PDE4D: variants seen among roughly 807,000 people sequenced by gnomAD.
The protein encoded by PDE4D is phosphodiesterase 4D, also known as 3',5'-cyclic-AMP phosphodiesterase 4D.
In PDE4D, 24 loss-of-function variants were observed where a neutral mutation model predicts 87.4. The observed-to-expected ratio is 0.27, with a 90% CI of 0.20 to 0.39. The LOEUF is 0.39. PDE4D is among the 10% of genes least tolerant of loss of function. The pLI is 1.00. For missense variants in PDE4D, 714 were observed against 1,041.0 expected, an observed-to-expected ratio of 0.69 and a Z score of 4.32; for synonymous variants, 384 against 383.2, an observed-to-expected ratio of 1.00 and a Z score of -0.02.
At chr5:59,197,518 T>G (rs1305931050) in intron 2 of PDE4D, among the ~76,000 whole-genome samples, 2 of 152,202 alleles carry the variant, frequency 1.3e-5, no homozygotes, top group Non-Finnish European at 2.9e-5. Context: ...AAATTATCTT[T>G]GAATATATAC....
At chr5:60,516,646 A>G (rs951907988) in intron 1 of PDE4D, among the ~76,000 whole-genome samples, 25 of 152,230 alleles carry the variant, frequency 1.6e-4, no homozygotes, top group African/African-American at 6.0e-4. Context: ...TAAAAGATTC[A>G]AATTATAGCA....
intron 3 of PDE4D, among the ~76,000 whole-genome samples, chr5:59,915,561 G>A (rs777648694): frequency 1.1e-4 from 16 of 152,140 alleles, no homozygotes; most frequent in Non-Finnish European, 2.1e-4. Context: ...TTTGTTTTGA[G>A]AAAGAAAACC....
intron 1 of PDE4D, among the ~76,000 whole-genome samples, chr5:59,629,681 G>C (rs766369165): frequency 3.3e-5 from 5 of 152,140 alleles, no homozygotes; most frequent in Non-Finnish European, 5.9e-5. Flanking sequence ...TTCTATAGCA[G>C]CCCTAGCCGA....
chr5:59,708,384 T>C (rs897803830), intron 1 of PDE4D, among the ~76,000 whole-genome samples: 110 of 152,232 alleles, frequency 7.2e-4, no homozygotes, highest in African/African-American at 2.6e-3. Context: ...CAGGAGCTGA[T>C]TTTTTGAAAA....
intron 1 of PDE4D, among the ~76,000 whole-genome samples, chr5:59,401,445 T>C (rs1418177076): frequency 1.1e-5 from 1 of 93,936 alleles, no homozygotes. Flanking sequence ...TATTAGAGAC[T>C]ATCTATCTAT....
chr5:59,625,276 G>A (rs1830768377), intron 1 of PDE4D, among the ~76,000 whole-genome samples: 1 of 152,118 alleles, frequency 6.6e-6, no homozygotes, highest in South Asian at 2.1e-4. Context: ...GCCTCTAGAA[G>A]GTCACAGGGG....
chr5:60,248,736 G>A (rs1463727763), intron 1 of PDE4D, among the ~76,000 whole-genome samples: 2 of 151,922 alleles, frequency 1.3e-5, no homozygotes, highest in African/African-American at 4.8e-5. Flanking sequence ...TCTTGCCCTT[G>A]GTTGGTATTG....
At chr5:59,693,257 C>T (rs1199127742) in intron 1 of PDE4D, among the ~76,000 whole-genome samples, 1 of 151,674 alleles carries the variant, frequency 6.6e-6, no homozygotes, top group Admixed American at 6.6e-5. Flanking sequence ...TTTTCATAAG[C>T]GGTGCCAGAG....
At chr5:59,205,189 C>T (rs937401439) in intron 2 of PDE4D, among the ~76,000 whole-genome samples, 1 of 146,938 alleles carries the variant, frequency 6.8e-6, no homozygotes, top group Admixed American at 6.8e-5. Flanking sequence ...TGTACATGGA[C>T]CATGCAGTGA....
intron 6 of PDE4D, among the ~76,000 whole-genome samples, chr5:58,995,758 T>G (rs1188943879): frequency 6.6e-6 from 1 of 152,210 alleles, no homozygotes; most frequent in Non-Finnish European, 1.5e-5. Context: ...CTAGCTCCTC[T>G]TTCTCAAATC....
intron 2 of PDE4D, among the ~76,000 whole-genome samples, chr5:60,048,293 C>T (rs1011733276): frequency 1.1e-4 from 16 of 152,312 alleles, no homozygotes; most frequent in African/African-American, 3.8e-4. Context: ...GATTACAGCA[C>T]ACTGATGGGT....
chr5:60,346,185 T>C (rs1213952603), intron 1 of PDE4D, among the ~76,000 whole-genome samples: 1 of 152,182 alleles, frequency 6.6e-6, no homozygotes, highest in Non-Finnish European at 1.5e-5. Context: ...ACAAGGATTA[T>C]GGTAATGATG....
chr5:59,869,935 G>A (rs1358947014), intron 1 of PDE4D, among the ~76,000 whole-genome samples: 1 of 152,154 alleles, frequency 6.6e-6, no homozygotes, highest in East Asian at 1.9e-4. Context: ...GTAATAGTAT[G>A]GCATTTGAAT....
In PDE4D at chr5:59,761,285, AATGTGAAG is replaced by A. The variant is rs1761934584; in HGVS notation, c.455+131875_455+131882del. On this transcript the variant is annotated intron_variant, in intron 1 of 14. Coordinates refer to ENST00000340635, the MANE Select transcript of PDE4D (RefSeq NM_001104631.2). ...TGACTCAGTGAGTGAGTGGTGAGTC[AATGTGAAG>A]GCCTGGGACATTTCCACACACTACT... is the stretch of plus-strand genomic sequence containing the variant. 2.0e-5 allele frequency among the ~76,000 whole-genome samples: 3 copies of A among 150,444 alleles called. No individual in the cohort carries two copies. In the South Asian group the frequency reaches 6.2e-4, roughly 31 times the overall value.
At chr5:59,171,942 TTA>T (rs1221797099) in intron 5 of PDE4D, among the ~76,000 whole-genome samples, 7 of 113,126 alleles carry the variant, frequency 6.2e-5, no homozygotes, top group Non-Finnish European at 8.2e-5. Flanking sequence ...TTATATTTAT[TTA>T]TATGAGAATT....
At chr5:59,968,662 T>C (rs965013571) in intron 3 of PDE4D, among the ~76,000 whole-genome samples, 41 of 129,086 alleles carry the variant, frequency 3.2e-4, no homozygotes, top group African/African-American at 9.0e-4. Context: ...TACAAAATAA[T>C]AGTGAAACCT....
At chr5:59,590,159 T>TCC (rs1825721610) in intron 1 of PDE4D, among the ~76,000 whole-genome samples, 1 of 152,212 alleles carries the variant, frequency 6.6e-6, no homozygotes, top group Non-Finnish European at 1.5e-5. Flanking sequence ...ATTCCATTTA[T>TCC]ATTAGAAAGA....
chr5:59,234,082 T>C (rs1368854613), intron 1 of PDE4D, among the ~76,000 whole-genome samples: 1 of 152,196 alleles, frequency 6.6e-6, no homozygotes. Flanking sequence ...AGAAGCAATG[T>C]TCATTGCTGA....
At chr5:60,122,532 G>C (rs1778782487) in intron 2 of PDE4D, among the ~76,000 whole-genome samples, 1 of 152,230 alleles carries the variant, frequency 6.6e-6, no homozygotes, top group Non-Finnish European at 1.5e-5. Flanking sequence ...CATAGCACGA[G>C]CTGTACTTTG....
Sources: allele counts gnomAD v4.1 joint callset (sites outside exome capture counted in the v4.1 genomes callset), GRCh38; gene constraint gnomAD v4.1.1; transcripts MANE v1.5; gene names NCBI Gene and HGNC (gene_info 2026-07-23, HGNC 2026-07-21).